SAP30BP: variants seen among roughly 807,000 people sequenced by gnomAD.
The protein encoded by SAP30BP is SAP30 binding protein, also known as SAP30-binding protein.
In SAP30BP, 31 loss-of-function variants were observed where a neutral mutation model predicts 46.3. The observed-to-expected ratio is 0.67, with a 90% CI of 0.50 to 0.90. SAP30BP has a LOEUF of 0.90. Among genes scored for constraint, SAP30BP ranks in the 40% least tolerant of loss-of-function variants. The pLI, the probability that SAP30BP is intolerant of heterozygous loss-of-function variation, is 0.00. For synonymous variants in SAP30BP, 169 were observed against 144.2 expected, an observed-to-expected ratio of 1.17 and a Z score of -1.23; for missense variants, 312 against 391.0, an observed-to-expected ratio of 0.80 and a Z score of 1.70.
At chr17:75,674,708 T>TTTTG in intron 3 of SAP30BP, among the ~76,000 whole-genome samples, 1 of 122,460 alleles carries the variant, frequency 8.2e-6, no homozygotes, top group Admixed American at 8.3e-5. Flanking sequence ...TTTTTTTTTT[T>TTTTG]TTTTTTTTTT....
intron 3 of SAP30BP, chr17:75,679,476 G>C (rs1433027841): frequency 6.6e-6 from 1 of 152,158 alleles, no homozygotes; most frequent in Non-Finnish European, 1.5e-5. Flanking sequence ...GCACAGACTG[G>C]AATTGCCCTG....
intron 3 of SAP30BP, among the ~76,000 whole-genome samples, chr17:75,681,095 A>G (rs749154939): frequency 6.6e-6 from 1 of 152,246 alleles, no homozygotes; most frequent in African/African-American, 2.4e-5. Flanking sequence ...AGCTTCAGAC[A>G]CTAAGTATTA....
At chr17:75,672,599 C>G (rs1427267260) in intron 3 of SAP30BP, among the ~76,000 whole-genome samples, 2 of 152,040 alleles carry the variant, frequency 1.3e-5, no homozygotes, top group African/African-American at 4.8e-5. Flanking sequence ...CCCTGTACCC[C>G]CAAAGAAAAA....
At chr17:75,675,810 G>A (rs1346407622) in intron 3 of SAP30BP, among the ~76,000 whole-genome samples, 1 of 152,108 alleles carries the variant, frequency 6.6e-6, no homozygotes, top group Non-Finnish European at 1.5e-5. Flanking sequence ...CCAGCTACTC[G>A]AGAGGCTGAG....
chr17:75,702,105 C>G (rs765824052), intron 5 of SAP30BP, among the ~76,000 whole-genome samples: 2 of 152,200 alleles, frequency 1.3e-5, no homozygotes, highest in Non-Finnish European at 2.9e-5. Flanking sequence ...TCACTGCAAC[C>G]TCCACCTCCC....
Position 75,700,430 on chromosome 17 carries a change from G to A in SAP30BP, c.396+559G>A, listed in dbSNP as rs148909219. 1.9e-4 allele frequency among the ~76,000 whole-genome samples: 29 copies of A among 152,272 alleles called. No individual in the cohort carries two copies. In the East Asian group the frequency reaches 4.8e-3, roughly 25 times the overall value. On this transcript the variant is annotated intron_variant, in intron 5 of 10. Coordinates refer to ENST00000584667, the MANE Select transcript of SAP30BP (RefSeq NM_013260.8). ...TGGGGGGACAGCTAGGGTTCAGCCC[G>A]TGGCTCTCCTTGTCCCTCTGTGGGT...
intron 3 of SAP30BP, chr17:75,690,855 T>C (rs1276745636): frequency 4.6e-6 from 2 of 431,700 alleles, no homozygotes; most frequent in East Asian, 7.0e-5. Flanking sequence ...CCAATGGGAA[T>C]CTGAACCAAC....
chr17:75,674,690 G>GTTTGTTTTTTTTTTTTTTTTT (rs2059958498), intron 3 of SAP30BP, among the ~76,000 whole-genome samples: 1 of 39,578 alleles, frequency 2.5e-5, no homozygotes, highest in African/African-American at 6.6e-5. Context: ...TTTTTTGTTT[G>GTTTGTTTTTTTTTTTTTTTTT]TTTTTTGTTT....
Position 75,668,730 on chromosome 17 carries a change from G to T in SAP30BP, c.216+105G>T, listed in dbSNP as rs1181035822. On this transcript the variant is annotated intron_variant, in intron 2 of 10. Transcript: ENST00000584667. ...CATTTCATGGTTAGCTCCATCCCTT[G>T]CTCTCCCGTTTTGTTTTAGTATTAG... The T allele has an allele frequency of 1.1e-5, 8 of 707,952 alleles. No homozygotes were observed. In the East Asian group the frequency reaches 2.1e-4, roughly 19 times the overall value. 43.9% of individuals were successfully genotyped at this position (707,952 alleles called of 1,614,324 possible). A position where few individuals can be genotyped will look rare whatever the true frequency, so the allele number is the denominator to read the frequency against.
chr17:75,675,957 T>C (rs1170417674), intron 3 of SAP30BP, among the ~76,000 whole-genome samples: 2 of 152,162 alleles, frequency 1.3e-5, no homozygotes, highest in African/African-American at 2.4e-5. Flanking sequence ...AATAACATTT[T>C]TAGAAAAAAT....
At position 75,704,737 on chromosome 17, in the gene SAP30BP, G is replaced by GCTTCTCT. The variant is rs1223771269; in HGVS notation, c.602-18_602-12dup. On this transcript the variant is annotated intron_variant, in intron 8 of 10. Coordinates refer to ENST00000584667, the MANE Select transcript of SAP30BP (RefSeq NM_013260.8). ...CTGCTCGGGGGCCACCTTTGTAACA[G>GCTTCTCT]CTTCTCTTGTCTTCATAGCCAAGGC... is the stretch of plus-strand genomic sequence containing the variant. The GCTTCTCT allele has an allele frequency of 6.2e-7, 1 of 1,609,296 alleles. No homozygotes were observed. The highest frequency in any genetic ancestry group is 2.2e-5 in the East Asian group (1 of 44,874).
intron 2 of SAP30BP, among the ~76,000 whole-genome samples, chr17:75,670,388 T>C (rs2059890902): frequency 6.6e-6 from 1 of 152,166 alleles, no homozygotes; most frequent in South Asian, 2.1e-4. Context: ...TTTTGGGAGA[T>C]ACTTTCATGC....
At chr17:75,690,988 C>G (rs926897825) in intron 3 of SAP30BP, among the ~76,000 whole-genome samples, 1 of 152,170 alleles carries the variant, frequency 6.6e-6, no homozygotes, top group African/African-American at 2.4e-5. Flanking sequence ...AATGGGTCCT[C>G]GTAAGGCAGG....
chr17:75,691,432 A>G (rs1156872794), intron 3 of SAP30BP: 1 of 456,662 alleles, frequency 2.2e-6, no homozygotes, highest in Admixed American at 2.3e-5. Context: ...CTGGCAGCAC[A>G]CACACCCCAC....
chr17:75,705,738 G>T, intron 9 of SAP30BP: 1 of 1,175,146 alleles, frequency 8.5e-7, no homozygotes, highest in South Asian at 1.7e-5. Flanking sequence ...CATGTGAGGT[G>T]GGGCGGTGGG....
At chr17:75,704,108 C>A (rs2060458165) in intron 8 of SAP30BP, among the ~76,000 whole-genome samples, 1 of 152,184 alleles carries the variant, frequency 6.6e-6, no homozygotes, top group Admixed American at 6.5e-5. Context: ...GACGGAGTTG[C>A]TGGGTACAGG....
rs1351661972 is a variant in SAP30BP at position 75,671,835 on chromosome 17, C to G, written c.236C>G (p.Thr79Ser). The change falls in exon 3 of 11, where the codon ACT (threonine) becomes AGT (serine). Residue 79 changes from threonine to serine, a missense_variant. Thr to Ser is a moderately conservative substitution (Grantham distance 58). Transcript: ENST00000584667. ...TTGTAGGAAGATGACGATTCAGAGA[C>G]TGAAAAACCTGAGGCTGATGACCCA... Reference protein sequence around the residue: ...SRQSEDDDSETEKPEADDPKD... With the variant: ...SRQSEDDDSESEKPEADDPKD... 6.2e-7 allele frequency: 1 copy of G among 1,613,678 alleles called. No individual in the cohort carries two copies. The highest frequency in any genetic ancestry group is 1.1e-5 in the South Asian group (1 of 91,056).
intron 3 of SAP30BP, chr17:75,690,874 C>G: frequency 2.4e-6 from 1 of 410,910 alleles, no homozygotes; most frequent in Non-Finnish European, 4.9e-6. Context: ...ACACAGACAG[C>G]ACAGTCTTCT....
In SAP30BP at chr17:75,706,721, C is replaced by G; in HGVS notation, c.*200C>G. On this transcript the variant is annotated 3_prime_UTR_variant, in exon 11 of 11. Coordinates refer to ENST00000584667, the MANE Select transcript of SAP30BP (RefSeq NM_013260.8). The surrounding 1 kb of genome is among the most constrained non-coding windows in gnomAD (Gnocchi z 4.6). ...TGGACAGGGTCTGTCCACGCACCAC[C>G]TGGGGTCTGCCGCCTATTAAAAGTG... The G allele has an allele frequency of 1.7e-6, 1 of 587,442 alleles. No individual in the cohort carries two copies. The allele number at this position is 587,442 out of a possible 1,614,324, so 36.4% of individuals were successfully genotyped here. A position where few individuals can be genotyped will look rare whatever the true frequency, so the allele number is the denominator to read the frequency against.
Sources: gnomAD v4.1 joint callset for allele counts (sites outside exome capture counted in the v4.1 genomes callset) on GRCh38, gnomAD v4.1.1 for gene constraint, Gnocchi (gnomAD v3.1) non-coding constraint, MANE v1.5 for transcripts, NCBI Gene and HGNC (gene_info 2026-07-23, HGNC 2026-07-21) for gene names.